Variants in NCOR2 observed in about 807,000 individuals in gnomAD.
The protein encoded by NCOR2 is CTG repeat protein 26.
NCOR2 carries 81 observed loss-of-function variants against 262.9 expected under a neutral mutation model. The observed-to-expected ratio is 0.31, with a 90% CI of 0.26 to 0.37. The LOEUF is 0.37. Ranked by LOEUF, NCOR2 falls within the 10% of genes least tolerant of loss-of-function variation. The pLI, the probability that NCOR2 is intolerant of heterozygous loss-of-function variation, is 1.00. For missense variants in NCOR2, 3,385 were observed against 3,621.4 expected (o/e 0.93, Z 1.68); for synonymous variants, 1,659 against 1,559.3 (o/e 1.06, Z -1.51).
upstream of NCOR2, chr12:124,538,218 G>T (rs74604062): frequency 0.052 from 7,991 of 152,760 alleles, 285 homozygotes; most frequent in East Asian, 0.1. Context: ...GTGGCATGGG[G>T]TCAAGGCCAG....
intron 10 of NCOR2, among the ~76,000 whole-genome samples, chr12:124,428,311 T>C (rs186186921): frequency 1.1e-4 from 16 of 152,380 alleles, no homozygotes; most frequent in Admixed American, 7.2e-4. Context: ...TGCGATGGCT[T>C]TCTGAGCTCT....
chr12:124,376,436 G>A (rs192459667), intron 18 of NCOR2, among the ~76,000 whole-genome samples: 139 of 152,340 alleles, frequency 9.1e-4, no homozygotes, highest in African/African-American at 3.0e-3. Context: ...ATTTACAGAG[G>A]GGACTGGGTT....
At chr12:124,326,637 C>T (rs997385128) in intron 45 of NCOR2, among the ~76,000 whole-genome samples, 1 of 152,118 alleles carries the variant, frequency 6.6e-6, no homozygotes, top group African/African-American at 2.4e-5. Context: ...CAATAGCCCC[C>T]TGGGCTGTCC....
intron 1 of NCOR2, among the ~76,000 whole-genome samples, chr12:124,544,476 AT>A: frequency 6.6e-6 from 1 of 152,298 alleles, no homozygotes; most frequent in East Asian, 1.9e-4. Context: ...GAAGCAATTA[AT>A]TGCTGGGTCA....
intron 6 of NCOR2, among the ~76,000 whole-genome samples, chr12:124,451,984 G>A (rs892494462): frequency 1.3e-5 from 2 of 152,170 alleles, no homozygotes; most frequent in Non-Finnish European, 2.9e-5. Flanking sequence ...GCAATTCCAG[G>A]CTCCTGCTCA....
chr12:124,495,380 C>T, upstream of NCOR2: 3 of 1,438,030 alleles, frequency 2.1e-6, no homozygotes, highest in Non-Finnish European at 2.7e-6. This position sits in a 1 kb window ranked among gnomAD's most constrained non-coding sequence, Gnocchi z 4.4. Flanking sequence ...TGCGGGAAAA[C>T]AAGAAAAGAA....
intron 19 of NCOR2, among the ~76,000 whole-genome samples, chr12:124,373,945 G>C (rs540770710): frequency 4.6e-5 from 7 of 151,840 alleles, no homozygotes; most frequent in South Asian, 4.2e-4. Flanking sequence ...GCCTCAGCAT[G>C]GGTTTTACAC....
intron 37 of NCOR2, 109 bp downstream of exon 39, chr12:124,339,897 A>ACCCCC: frequency 5.0e-4 from 88 of 176,234 alleles, no homozygotes; most frequent in Middle Eastern, 3.8e-3. Flanking sequence ...ACATCTGCCC[A>ACCCCC]CCCACCCACC....
At chr12:124,539,242 C>G (rs572091287), upstream of NCOR2, 1 of 152,594 alleles carries the variant, frequency 6.6e-6, no homozygotes, top group South Asian at 2.1e-4. This position sits in a 1 kb window ranked among gnomAD's most constrained non-coding sequence, Gnocchi z 5.1. Flanking sequence ...ACCCACCACT[C>G]ACTCGCTCAA....
chr12:124,557,942 T>G (rs2051936549), intron 1 of NCOR2, among the ~76,000 whole-genome samples: 1 of 151,898 alleles, frequency 6.6e-6, no homozygotes, highest in Admixed American at 6.5e-5. Flanking sequence ...CAGGCCCCCA[T>G]GCTGACAGGC....
At chr12:124,449,743 C>G in intron 7 of NCOR2, 72 bp downstream of exon 9, 2 of 1,549,766 alleles carry the variant, frequency 1.3e-6, no homozygotes, top group Non-Finnish European at 1.8e-6. Flanking sequence ...TCCCACATCC[C>G]ATGCAGGCTG....
At chr12:124,332,403 C>T (rs765095254) in exon 43 of NCOR2, 17 of 1,614,114 alleles carry the variant, frequency 1.1e-5, no homozygotes, top group South Asian at 3.3e-5. Flanking sequence ...GAGTTGCTCT[C>T]GGTCAGCTTG....
chr12:124,379,569 T>C (rs1215212714), intron 17 of NCOR2, among the ~76,000 whole-genome samples: 3 of 152,094 alleles, frequency 2.0e-5, no homozygotes, highest in Non-Finnish European at 2.9e-5. Flanking sequence ...CACAGCCTGG[T>C]GTGACGGGGG....
intron 19 of NCOR2, 45 bp downstream of exon 21, chr12:124,374,368 C>CCCCGG (rs2039812789): frequency 1.9e-6 from 3 of 1,598,388 alleles, no homozygotes; most frequent in Non-Finnish European, 2.6e-6. Context: ...GGGATGCCCG[C>CCCCGG]CCCGGCCCGG....
rs11609965 is a variant in NCOR2, at chr12:124,548,400, G to A, written c.-164-12789C>T. ...ATGGGATCCCTCTGGCTGCAACTCAGAGACCAGACAGGTGTGACCAGAGTG... is the reference window on the plus strand; with the variant it reads ...ATGGGATCCCTCTGGCTGCAACTCAAAGACCAGACAGGTGTGACCAGAGTG... On this transcript the variant is annotated intron_variant, in intron 1 of 32. Coordinates refer to the NCOR2 transcript ENST00000458234. This position sits in a 1 kb window ranked among gnomAD's most constrained non-coding sequence, Gnocchi z 5.1. Among the ~76,000 whole-genome samples the A allele has an allele frequency of 0.1, 15,475 of 152,076 alleles. 985 individuals carry two copies. The highest frequency in any genetic ancestry group is 0.19 in the African/African-American group (7,692 of 41,452).
rs762737234 is a variant in NCOR2 at position 124,483,806 on chromosome 12, G to A, written c.234-33C>T. On this transcript the variant is annotated intron_variant, in intron 2 of 46. Transcript: ENST00000405201. This position sits in a 1 kb window ranked among gnomAD's most constrained non-coding sequence, Gnocchi z 6.3. ...AGGTGAGGCATCCAACGTCACATAG[G>A]AGATTGCGGCTCTGAGAACTCCCGA... The A allele has an allele frequency of 4.5e-6, 7 of 1,539,008 alleles. No individual in the cohort carries two copies. In the East Asian group the frequency reaches 1.4e-4, roughly 31 times the overall value.
At chr12:124,461,386 G>A (rs530996393) in intron 5 of NCOR2, among the ~76,000 whole-genome samples, 16 of 152,320 alleles carry the variant, frequency 1.1e-4, no homozygotes, top group South Asian at 8.3e-4. Flanking sequence ...AGGGGCTCTC[G>A]CCAGCCAACT....
intron 13 of NCOR2, among the ~76,000 whole-genome samples, chr12:124,419,499 C>T (rs899610242): frequency 1.3e-5 from 2 of 152,276 alleles, no homozygotes; most frequent in South Asian, 2.1e-4. Context: ...GAAAAAACGG[C>T]GAGCTGAAGT....
chr12:124,402,191 C>T (rs558354500), intron 14 of NCOR2, among the ~76,000 whole-genome samples: 9 of 152,070 alleles, frequency 5.9e-5, no homozygotes, highest in Middle Eastern at 3.4e-3. Flanking sequence ...AAAGCGAGGG[C>T]GGAGGAGAGG....
Sources: allele counts gnomAD v4.1 joint callset (sites outside exome capture counted in the v4.1 genomes callset), GRCh38; gene constraint gnomAD v4.1.1; non-coding constraint Gnocchi (gnomAD v3.1); transcripts MANE v1.5; gene names NCBI Gene and HGNC (gene_info 2026-07-23, HGNC 2026-07-21).